Variants in ROR1 observed in about 807,000 individuals in gnomAD.
ROR1 encodes the protein ROR family WNT receptor 1, also known as inactive tyrosine-protein kinase transmembrane receptor ROR1.
In ROR1, 19 loss-of-function variants were observed where a neutral mutation model predicts 78.8. That is an observed-to-expected ratio of 0.24 (90% confidence interval 0.17 to 0.35). The LOEUF is 0.35. Among genes scored for constraint, ROR1 ranks in the 10% least tolerant of loss-of-function variants. The pLI, the probability that ROR1 is intolerant of heterozygous loss-of-function variation, is 1.00. For synonymous variants in ROR1, 386 were observed against 433.6 expected (o/e 0.89, Z 1.36); for missense variants, 917 against 1,177.8 (o/e 0.78, Z 3.24).
intron 3 of ROR1, 51 bp from the exon 4 acceptor site, chr1:64,050,635 C>G: frequency 6.4e-7 from 1 of 1,555,840 alleles, no homozygotes; most frequent in South Asian, 1.1e-5. Flanking sequence ...CATACTCACC[C>G]TCCAATAACC....
intron 3 of ROR1, among the ~76,000 whole-genome samples, 172 bp from the exon 4 acceptor site, chr1:64,050,514 T>C (rs1646820207): frequency 6.6e-6 from 1 of 152,044 alleles, no homozygotes; most frequent in South Asian, 2.1e-4. Context: ...GGTATTTTTT[T>C]TTTTTTTCAT....
chr1:63,920,358 A>G (rs925501290), intron 1 of ROR1, among the ~76,000 whole-genome samples: 2 of 152,228 alleles, frequency 1.3e-5, no homozygotes, highest in South Asian at 4.1e-4. Context: ...TAAGGAAAGA[A>G]TAGCAGGAAG....
intron 1 of ROR1, among the ~76,000 whole-genome samples, chr1:63,911,246 C>CA (rs1253731300): frequency 6.6e-6 from 1 of 152,126 alleles, no homozygotes; most frequent in Admixed American, 6.5e-5. Context: ...CCTTATGCCT[C>CA]AGTGTTCTCA....
chr1:63,971,487 A>C (rs1303355555), intron 1 of ROR1, among the ~76,000 whole-genome samples: 2 of 152,222 alleles, frequency 1.3e-5, no homozygotes, highest in African/African-American at 4.8e-5. Flanking sequence ...GTACCAGGTT[A>C]GCTCAACTAC....
chr1:63,863,652 TTTTC>T (rs1208951864), intron 1 of ROR1, among the ~76,000 whole-genome samples: 1 of 152,208 alleles, frequency 6.6e-6, no homozygotes, highest in Non-Finnish European at 1.5e-5. Flanking sequence ...GATGGCGTAT[TTTTC>T]TTTATTTGTG....
At chr1:63,929,220 T>C (rs1645732245) in intron 1 of ROR1, among the ~76,000 whole-genome samples, 1 of 152,186 alleles carries the variant, frequency 6.6e-6, no homozygotes, top group Non-Finnish European at 1.5e-5. Context: ...TGGACATCTA[T>C]CCTGTAGAGG....
intron 1 of ROR1, among the ~76,000 whole-genome samples, chr1:63,778,241 A>T (rs765890637): frequency 1.2e-4 from 18 of 152,210 alleles, no homozygotes; most frequent in Admixed American, 6.5e-5. Flanking sequence ...GGGTACATGA[A>T]ATTAAGGATA....
intron 1 of ROR1, among the ~76,000 whole-genome samples, chr1:63,835,079 C>T (rs1315251673): frequency 6.6e-6 from 1 of 152,032 alleles, no homozygotes; most frequent in East Asian, 1.9e-4. Context: ...AAGGTGGTCC[C>T]ATCTATTTTG....
chr1:63,783,075 A>T (rs1489901291), intron 1 of ROR1, among the ~76,000 whole-genome samples: 1 of 152,112 alleles, frequency 6.6e-6, no homozygotes, highest in Non-Finnish European at 1.5e-5. Flanking sequence ...GTCTCCATGG[A>T]CTCGCTGAGA....
intron 1 of ROR1, among the ~76,000 whole-genome samples, chr1:63,841,423 G>A (rs1358088253): frequency 6.6e-6 from 1 of 152,184 alleles, no homozygotes; most frequent in Non-Finnish European, 1.5e-5. Context: ...AATGAAGGTA[G>A]GAGTGATCCT....
chr1:63,789,410 CT>C, intron 1 of ROR1: 1 of 335,180 alleles, frequency 3.0e-6, no homozygotes, highest in Non-Finnish European at 5.6e-6. Flanking sequence ...CACCTGAGCA[CT>C]GCCTGCTGTC....
chr1:63,849,295 A>G (rs897683953), intron 1 of ROR1, among the ~76,000 whole-genome samples: 6 of 152,114 alleles, frequency 3.9e-5, no homozygotes, highest in Non-Finnish European at 5.9e-5. Context: ...TTGTTTATTG[A>G]TTTGTTCATT....
intron 1 of ROR1, among the ~76,000 whole-genome samples, chr1:63,848,274 C>T (rs905853674): frequency 2.0e-5 from 3 of 152,200 alleles, no homozygotes; most frequent in Non-Finnish European, 4.4e-5. Flanking sequence ...AAGGCGTCTT[C>T]ATTTTTAACT....
At chr1:64,038,362 C>T (rs1464705789) in intron 2 of ROR1, among the ~76,000 whole-genome samples, 1 of 152,088 alleles carries the variant, frequency 6.6e-6, no homozygotes, top group African/African-American at 2.4e-5. Flanking sequence ...TCTCAGCCTC[C>T]CTTTCTCCAC....
At chr1:63,836,478 A>T (rs1445573572) in intron 1 of ROR1, among the ~76,000 whole-genome samples, 5 of 152,214 alleles carry the variant, frequency 3.3e-5, no homozygotes, top group African/African-American at 1.2e-4. Flanking sequence ...CCAGTTTCTT[A>T]AGATTTCATA....
chr1:64,152,379 C>T (rs553165726), intron 7 of ROR1, among the ~76,000 whole-genome samples: 7 of 152,258 alleles, frequency 4.6e-5, no homozygotes, highest in African/African-American at 1.7e-4. Flanking sequence ...CCTTTCAGTG[C>T]TTTTTAACCA....
rs561450542 is a variant in ROR1 at position 64,098,849 on chromosome 1, T to A, written c.483-38520T>A. ...CTGAAATAATTTTCTCAGTACTAAA[T>A]AAATAGTTGCCCCAACAATGATGAA... On this transcript the variant is annotated intron_variant, in intron 4 of 8. Transcript: ENST00000371079. Among the ~76,000 whole-genome samples, 3 of 152,282 alleles carry A rather than the reference T, an allele frequency of 2.0e-5. No homozygotes were observed. The East Asian group carries it at 5.8e-4, about 29-fold the overall frequency.
At chr1:63,972,766 T>C (rs1646128811) in intron 1 of ROR1, among the ~76,000 whole-genome samples, 2 of 152,214 alleles carry the variant, frequency 1.3e-5, no homozygotes, top group Admixed American at 1.3e-4. Flanking sequence ...CGACCACAAC[T>C]TAATTCCAGT....
chr1:64,072,279 A>G (rs1301535394), intron 4 of ROR1, among the ~76,000 whole-genome samples: 1 of 152,206 alleles, frequency 6.6e-6, no homozygotes, highest in African/African-American at 2.4e-5. Flanking sequence ...GCTATTACTA[A>G]GGGCCTGCTT....
Sources: allele counts gnomAD v4.1 joint callset (sites outside exome capture counted in the v4.1 genomes callset), GRCh38; gene constraint gnomAD v4.1.1; transcripts MANE v1.5; gene names NCBI Gene and HGNC (gene_info 2026-07-23, HGNC 2026-07-21).